Variants in SLC25A40 observed in about 807,000 individuals in gnomAD.
The protein encoded by SLC25A40 is mitochondrial glutathione transporter SLC25A40.
SLC25A40 carries 41 observed loss-of-function variants against 46.5 expected under a neutral mutation model. The ratio of observed to expected loss-of-function variants is 0.88; its 90% CI spans 0.69 to 1.14. The LOEUF (loss-of-function observed/expected upper bound fraction) is 1.14. SLC25A40 is among the 50% of genes most tolerant of loss of function. The pLI is 0.00. For synonymous variants in SLC25A40, 126 were observed against 127.5 expected, an observed-to-expected ratio of 0.99 and a Z score of 0.08; for missense variants, 386 against 393.6, an observed-to-expected ratio of 0.98 and a Z score of 0.16.
chr7:87,836,888 T>A, intron 10 of SLC25A40, 78 bp from the exon 11 acceptor site: 1 of 842,808 alleles, frequency 1.2e-6, no homozygotes, highest in Non-Finnish European at 1.7e-6. Context: ...ATAGTGTCCA[T>A]GGCCCTTGCG....
intron 1 of SLC25A40, among the ~76,000 whole-genome samples, chr7:87,861,928 TAA>T (rs1838706014): frequency 6.6e-6 from 1 of 152,086 alleles, no homozygotes; most frequent in Admixed American, 6.5e-5. Flanking sequence ...TTTAGAAAAA[TAA>T]GTTACATCAA....
At chr7:87,848,092 AAAAACTACAAT>A in intron 6 of SLC25A40, 115 bp from the exon 7 acceptor site, 1 of 1,189,780 alleles carries the variant, frequency 8.4e-7, no homozygotes, top group South Asian at 1.7e-5. Flanking sequence ...TGTGTAAGCT[AAAAACTACAAT>A]AAATCAGCCT....
chr7:87,836,177 T>C lies in SLC25A40; in HGVS notation c.*72A>G. ...TAAAATCATTGTGAGAGAATAATGGTGAAAAACATTCTTGCCTAAGAGTCT... is the reference window on the plus strand; with the variant it reads ...TAAAATCATTGTGAGAGAATAATGGCGAAAAACATTCTTGCCTAAGAGTCT... On this transcript the variant is annotated 3_prime_UTR_variant, in exon 12 of 12. Coordinates refer to ENST00000341119, the MANE Select transcript of SLC25A40 (RefSeq NM_018843.4). 1.2e-6 allele frequency: 1 copy of C among 860,072 alleles called. No homozygotes were observed. Among genetic ancestry groups the C allele is most frequent in the Non-Finnish European group, 1.8e-6 (1 of 546,360 alleles). The allele number at this position is 860,072 out of a possible 1,614,324, so 53.3% of individuals were successfully genotyped here.
At chr7:87,858,299 T>G (rs1157937165) in intron 3 of SLC25A40, among the ~76,000 whole-genome samples, 1 of 152,228 alleles carries the variant, frequency 6.6e-6, no homozygotes, top group Non-Finnish European at 1.5e-5. Flanking sequence ...TCCTGTTTCC[T>G]CAGAAGCATG....
intron 10 of SLC25A40, among the ~76,000 whole-genome samples, chr7:87,839,500 A>C (rs532342803): frequency 2.6e-5 from 4 of 151,642 alleles, no homozygotes; most frequent in Non-Finnish European, 5.9e-5. Context: ...TCAGAGAAAA[A>C]GAAGTTTAAC....
At chr7:87,850,187 G>A (rs930180787) in intron 5 of SLC25A40, among the ~76,000 whole-genome samples, 1 of 152,102 alleles carries the variant, frequency 6.6e-6, no homozygotes, top group Non-Finnish European at 1.5e-5. Context: ...GCTCTAGATT[G>A]TTCTACTAAG....
rs976817209 is a variant in SLC25A40, at chr7:87,848,048, A to G, written c.333-71T>C. Reference sequence around the variant, plus strand: ...CCACATAGTCTTAACTTAAATTCAAATATTATTATATAAGCTAAAAAAGTC... The same window carrying G: ...CCACATAGTCTTAACTTAAATTCAAGTATTATTATATAAGCTAAAAAAGTC... On this transcript the variant is annotated intron_variant, in intron 6 of 11. Transcript: ENST00000341119. 8 of 1,480,316 alleles carry G rather than the reference A, an allele frequency of 5.4e-6. No individual in the cohort carries two copies. In the South Asian group the frequency reaches 9.5e-5, roughly 18 times the overall value. The allele number at this position is 1,480,316 out of a possible 1,614,324, so 91.7% of individuals were successfully genotyped here. A position where few individuals can be genotyped will look rare whatever the true frequency, so the allele number is the denominator to read the frequency against.
At chr7:87,859,043 C>T (rs1584333340) in intron 2 of SLC25A40, among the ~76,000 whole-genome samples, 1 of 152,014 alleles carries the variant, frequency 6.6e-6, no homozygotes. Context: ...AAACACATAA[C>T]CTTAATAAGT....
intron 9 of SLC25A40, chr7:87,842,084 A>G: frequency 3.0e-6 from 1 of 337,644 alleles, no homozygotes; most frequent in Non-Finnish European, 6.0e-6. Flanking sequence ...CAAAGCAGAA[A>G]TTCTCAAGTA....
At chr7:87,854,509 C>A (rs1236786211) in intron 4 of SLC25A40, among the ~76,000 whole-genome samples, 199 bp from the exon 5 acceptor site, 1 of 152,160 alleles carries the variant, frequency 6.6e-6, no homozygotes, top group African/African-American at 2.4e-5. Context: ...TACTGCAATG[C>A]ATTCTAAACT....
chr7:87,869,783 C>T (rs1198325565), intron 1 of SLC25A40, among the ~76,000 whole-genome samples: 1 of 152,110 alleles, frequency 6.6e-6, no homozygotes, highest in Non-Finnish European at 1.5e-5. Context: ...AATAAAGCAA[C>T]TATGATTATC....
chr7:87,874,572 T>C (rs2131028735), intron 1 of SLC25A40, among the ~76,000 whole-genome samples: 1 of 152,324 alleles, frequency 6.6e-6, no homozygotes, highest in Middle Eastern at 3.4e-3. Flanking sequence ...AATACTTATT[T>C]TTCAAGTCTT....
intron 3 of SLC25A40, among the ~76,000 whole-genome samples, chr7:87,857,496 T>G (rs1172807541): frequency 6.6e-6 from 1 of 152,222 alleles, no homozygotes; most frequent in Admixed American, 6.5e-5. Context: ...GAAACATTCA[T>G]GGATCATAAA....
Position 87,847,862 on chromosome 7 carries a change from C to G in SLC25A40, c.448G>C (p.Val150Leu). The change falls in exon 7 of 12, where the codon GTA becomes CTA. Residue 150 changes from valine (V) to leucine (L), a missense_variant. Coordinates refer to ENST00000341119, the MANE Select transcript of SLC25A40 (RefSeq NM_018843.4). Reference sequence around the variant, plus strand: ...AAGATTTATTACTCACATCTGGCTACAATTCCAGCAACAATTGGTATGCAG... The same window carrying G: ...AAGATTTATTACTCACATCTGGCTAGAATTCCAGCAACAATTGGTATGCAG... Reference protein sequence around the residue: ...ETCIPIVAGIVARFGAVTVIS... With the variant: ...ETCIPIVAGILARFGAVTVIS... The G allele has an allele frequency of 6.2e-7, 1 of 1,606,892 alleles. No homozygotes were observed.
At chr7:87,856,466 T>A in intron 3 of SLC25A40, 115 bp from the exon 4 acceptor site, 1 of 864,646 alleles carries the variant, frequency 1.2e-6, no homozygotes, top group South Asian at 1.4e-5. Flanking sequence ...ATATAATTGG[T>A]AAGCTTATTT....
chr7:87,838,715 T>C (rs1457098304), intron 10 of SLC25A40, among the ~76,000 whole-genome samples: 1 of 151,508 alleles, frequency 6.6e-6, no homozygotes, highest in Non-Finnish European at 1.5e-5. Flanking sequence ...CCTCTAAACA[T>C]ATCCAGATGT....
At chr7:87,866,014 C>CA (rs1313936488) in intron 1 of SLC25A40, among the ~76,000 whole-genome samples, 1 of 151,532 alleles carries the variant, frequency 6.6e-6, no homozygotes, top group Non-Finnish European at 1.5e-5. Context: ...GCCCACAAAG[C>CA]AGAGGTTTCA....
At chr7:87,864,486 T>C (rs1167144006) in intron 1 of SLC25A40, among the ~76,000 whole-genome samples, 2 of 152,226 alleles carry the variant, frequency 1.3e-5, no homozygotes, top group Non-Finnish European at 2.9e-5. Context: ...GTTTGCTTTA[T>C]ATATCAGGGT....
intron 10 of SLC25A40, 124 bp from the exon 11 acceptor site, chr7:87,836,934 T>C: frequency 2.0e-6 from 1 of 498,274 alleles, no homozygotes; most frequent in Non-Finnish European, 3.4e-6. Flanking sequence ...AGAGGTTTGT[T>C]TACCTAAAAA....
Sources: gnomAD v4.1 joint callset for allele counts (sites outside exome capture counted in the v4.1 genomes callset) on GRCh38, gnomAD v4.1.1 for gene constraint, MANE v1.5 for transcripts, NCBI Gene and HGNC (gene_info 2026-07-23, HGNC 2026-07-21) for gene names.